TPO: variants seen among roughly 807,000 people sequenced by gnomAD.
The protein encoded by TPO is thyroid peroxidase.
In TPO, 78 loss-of-function variants were observed where a neutral mutation model predicts 96.9. The observed-to-expected ratio is 0.81, with a 90% CI of 0.67 to 0.97. The LOEUF (loss-of-function observed/expected upper bound fraction) is 0.97, where lower values mean the gene tolerates loss of function less well. TPO is among the 50% of genes least tolerant of loss of function. The pLI is 0.00. For missense variants in TPO, 1,252 were observed against 1,274.8 expected (o/e 0.98, Z 0.27); for synonymous variants, 547 against 538.0 (o/e 1.02, Z -0.23).
intron 7 of TPO, among the ~76,000 whole-genome samples, chr2:1,470,932 C>T (rs1017488281): frequency 6.6e-6 from 1 of 152,196 alleles, no homozygotes; most frequent in Non-Finnish European, 1.5e-5. Flanking sequence ...CAACGCAGTG[C>T]CATATTTACA....
chr2:1,516,255 G>A (rs763764496), intron 14 of TPO, among the ~76,000 whole-genome samples: 1 of 152,174 alleles, frequency 6.6e-6, no homozygotes, highest in Non-Finnish European at 1.5e-5. Context: ...TTCTCTGTCT[G>A]ATTCCCACCA....
intron 6 of TPO, 67 bp from the exon 7 acceptor site, chr2:1,456,009 C>A (rs1667748451): frequency 3.3e-6 from 5 of 1,514,000 alleles, no homozygotes; most frequent in Admixed American, 3.7e-5. Flanking sequence ...TGCATGATCC[C>A]AAAGGGTCAT....
At chr2:1,470,772 A>C in intron 7 of TPO, among the ~76,000 whole-genome samples, 1 of 152,200 alleles carries the variant, frequency 6.6e-6, no homozygotes, top group East Asian at 1.9e-4. Context: ...AACTTCAGTT[A>C]GAAATTTGAA....
intron 14 of TPO, among the ~76,000 whole-genome samples, chr2:1,512,001 G>A (rs1674184065): frequency 6.6e-6 from 1 of 152,034 alleles, no homozygotes; most frequent in African/African-American, 2.4e-5. Flanking sequence ...TTTTTGTCCT[G>A]AGAACAATTA....
At position 1,516,878 on chromosome 2, in the gene TPO, C is replaced by T. The variant is rs1439344967; in HGVS notation, c.2519-5C>T. On this transcript the variant is annotated splice_polypyrimidine_tract_variant and splice_region_variant and intron_variant, in intron 14 of 16. Transcript: ENST00000329066. ...CTTCTAACCAGGCCTCTTTCTGTGC[C>T]CCAGACTCCGGGAGGCTCCCTCGGG... The T allele has an allele frequency of 1.2e-6, 2 of 1,613,834 alleles. No homozygotes were observed. Among genetic ancestry groups the T allele is most frequent in the Non-Finnish European group, 1.7e-6 (2 of 1,180,012 alleles).
chr2:1,421,234 G>A (rs1663483697), intron 2 of TPO, among the ~76,000 whole-genome samples: 1 of 152,156 alleles, frequency 6.6e-6, no homozygotes, highest in South Asian at 2.1e-4. Flanking sequence ...CAAAAGCCGT[G>A]CAAACCTCTC....
chr2:1,487,689 A>T, intron 9 of TPO, 132 bp from the exon 10 acceptor site: 1 of 1,170,832 alleles, frequency 8.5e-7, no homozygotes, highest in African/African-American at 1.5e-5. Flanking sequence ...GTGAGCTGAG[A>T]TCGCCACTGC....
intron 1 of TPO, among the ~76,000 whole-genome samples, chr2:1,394,075 A>G (rs983373156): frequency 2.0e-5 from 3 of 152,206 alleles, no homozygotes; most frequent in Admixed American, 1.3e-4. Flanking sequence ...TAAGAGTTTT[A>G]CCTAGAAATC....
Position 1,543,455 on chromosome 2 carries a change from G to C in TPO, c.*981G>C, listed in dbSNP as rs780546131. 4.6e-5 allele frequency: 7 copies of C among 152,136 alleles called. No individual in the cohort carries two copies. Among genetic ancestry groups the C allele is most frequent in the South Asian group, 2.1e-4 (1 of 4,812 alleles). 9.4% of individuals were successfully genotyped at this position (152,136 alleles called of 1,614,324 possible). ...ATCTCACCCACGAATGACAACAGTGGCACAGGAGGGCTATGAACATTTTGC... is the reference window on the plus strand; with the variant it reads ...ATCTCACCCACGAATGACAACAGTGCCACAGGAGGGCTATGAACATTTTGC... On this transcript the variant is annotated 3_prime_UTR_variant, in exon 17 of 17. Transcript: ENST00000329066.
chr2:1,487,863 C>A lies in TPO; in HGVS notation c.1640C>A (p.Ala547Asp), dbSNP rs543659549. The A allele has an allele frequency of 6.2e-7, 1 of 1,614,242 alleles. No homozygotes were observed. The highest frequency in any genetic ancestry group is 8.5e-7 in the Non-Finnish European group (1 of 1,180,042). ...PLIRGLLARP[A>D]KLQVQDQLMN... is the part of the protein sequence containing the mutation. The stretch of plus-strand genomic sequence containing the variant: ...ATACGAGGCCTTCTTGCAAGACCAG[C>A]CAAACTGCAGGTGCAGGATCAGCTG... Residue 547 changes from alanine (A) to aspartate (D), a missense_variant, in exon 10 of 17, where the codon GCC (alanine) becomes GAC (aspartate). Physicochemically the swap from Ala to Asp is moderately radical, Grantham distance 126. Transcript: ENST00000329066.
intron 8 of TPO, among the ~76,000 whole-genome samples, chr2:1,479,593 A>G (rs1026785566): frequency 3.3e-5 from 5 of 152,130 alleles, no homozygotes; most frequent in Non-Finnish European, 5.9e-5. Flanking sequence ...TTTCTTCTCC[A>G]TGGAGTTCTG....
chr2:1,500,303 T>G (rs973838042), intron 13 of TPO, among the ~76,000 whole-genome samples: 4 of 152,204 alleles, frequency 2.6e-5, no homozygotes, highest in Admixed American at 6.5e-5. Flanking sequence ...CAACTCTTTT[T>G]TTTGTTTGTT....
chr2:1,503,125 A>G (rs1673039522), intron 13 of TPO, among the ~76,000 whole-genome samples: 1 of 152,014 alleles, frequency 6.6e-6, no homozygotes, highest in South Asian at 2.1e-4. Flanking sequence ...GGGTCCCTCC[A>G]CCTCTCCCAG....
intron 5 of TPO, among the ~76,000 whole-genome samples, chr2:1,453,333 G>C (rs1667479975): frequency 6.6e-6 from 1 of 152,180 alleles, no homozygotes; most frequent in South Asian, 2.1e-4. Flanking sequence ...CTCTTTGTTT[G>C]GAGTACCAGA....
intron 7 of TPO, among the ~76,000 whole-genome samples, chr2:1,467,228 C>T (rs1310731278): frequency 2.6e-5 from 4 of 151,990 alleles, no homozygotes; most frequent in South Asian, 2.1e-4. Context: ...CTCAGGATCC[C>T]GAGTAGCTGG....
intron 10 of TPO, among the ~76,000 whole-genome samples, chr2:1,489,942 G>GAC (rs1380001219): frequency 1.2e-4 from 14 of 115,626 alleles, no homozygotes; most frequent in South Asian, 2.7e-4. Flanking sequence ...GAGGAGTCAC[G>GAC]ACAGAGCAGT....
intron 7 of TPO, among the ~76,000 whole-genome samples, chr2:1,465,131 C>T (rs1024447896): frequency 2.6e-5 from 4 of 152,130 alleles, no homozygotes; most frequent in East Asian, 3.9e-4. Flanking sequence ...TGCCAATTAT[C>T]GCAGCATCAT....
At chr2:1,483,684 C>T (rs1242495259) in intron 8 of TPO, among the ~76,000 whole-genome samples, 1 of 152,160 alleles carries the variant, frequency 6.6e-6, no homozygotes, top group Non-Finnish European at 1.5e-5. Context: ...ACGGAAACCC[C>T]ACTGGGAAAC....
At chr2:1,533,536 A>C (rs1378536369) in intron 15 of TPO, among the ~76,000 whole-genome samples, 2 of 3,196 alleles carry the variant, frequency 6.3e-4, no homozygotes, top group Admixed American at 6.8e-3. Flanking sequence ...AAATCCCCCC[A>C]ACTTTGTGCA....
Sources: gnomAD v4.1 joint callset for allele counts (sites outside exome capture counted in the v4.1 genomes callset) on GRCh38, gnomAD v4.1.1 for gene constraint, MANE v1.5 for transcripts, NCBI Gene and HGNC (gene_info 2026-07-23, HGNC 2026-07-21) for gene names.